Variants in SLCO5A1 observed in about 807,000 individuals in gnomAD.
The protein encoded by SLCO5A1 is organic anion transporter polypeptide-related protein 4.
Under a neutral mutation model 65.1 loss-of-function variants are expected in SLCO5A1, and 39 were observed. The ratio of observed to expected loss-of-function variants is 0.60; its 90% CI spans 0.46 to 0.78. The LOEUF (loss-of-function observed/expected upper bound fraction) is 0.78, where lower values mean the gene tolerates loss of function less well. SLCO5A1 is among the 30% of genes least tolerant of loss of function. The probability of loss-of-function intolerance (pLI) is 0.00; values close to 1 mark genes in which losing one functional copy is unlikely to be tolerated. For missense variants in SLCO5A1, 1,029 were observed against 1,069.4 expected (o/e 0.96, Z 0.53); for synonymous variants, 438 against 415.7 (o/e 1.05, Z -0.65).
At chr8:69,755,374 A>C in intron 4 of SLCO5A1, 50 bp downstream of exon 4, 6 of 1,463,992 alleles carry the variant, frequency 4.1e-6, no homozygotes, top group Non-Finnish European at 5.7e-6. Flanking sequence ...CACTATGAGT[A>C]GCACTGATCA....
At position 69,667,899 on chromosome 8, in the gene SLCO5A1, G is replaced by A. The variant is rs1246393165; in HGVS notation, c.*4970C>T. 2 of 152,230 alleles carry A rather than the reference G, an allele frequency of 1.3e-5. No homozygotes were observed. Among genetic ancestry groups the A allele is most frequent in the African/African-American group, 4.8e-5 (2 of 41,468 alleles). The allele number at this position is 152,230 out of a possible 1,614,324, so 9.4% of individuals were successfully genotyped here. ...GCATAGATGGAGTAACTGTTGAAATGAGAGTAATGGATGCTTGTTTTCTGG... is the reference window on the plus strand; with the variant it reads ...GCATAGATGGAGTAACTGTTGAAATAAGAGTAATGGATGCTTGTTTTCTGG... On this transcript the variant is annotated 3_prime_UTR_variant, in exon 10 of 10. Transcript: ENST00000260126.
intron 6 of SLCO5A1, chr8:69,704,745 A>G: frequency 2.7e-6 from 1 of 371,700 alleles, no homozygotes; most frequent in South Asian, 4.1e-5. Context: ...ATTATAATAA[A>G]AACCAAACAA....
chr8:69,787,810 G>A (rs1479377014), intron 2 of SLCO5A1, among the ~76,000 whole-genome samples: 1 of 152,172 alleles, frequency 6.6e-6, no homozygotes, highest in East Asian at 1.9e-4. Context: ...TATGCAAACA[G>A]ATGCCAGGCA....
Position 69,698,906 on chromosome 8 carries a change from G to A in SLCO5A1, c.1622+6125C>T, listed in dbSNP as rs574341320. Among the ~76,000 whole-genome samples, 30 of 152,258 alleles carry A rather than the reference G, an allele frequency of 2.0e-4. 1 individual carries two copies. The highest frequency in any genetic ancestry group is 3.4e-3 in the Middle Eastern group (1 of 294). On this transcript the variant is annotated intron_variant, in intron 6 of 9. Transcript: ENST00000260126. ...ACAAAAACTAGTGGATACAACTGAC[G>A]AAACTTCTGAAAGGAGGTCCCAGGA...
intron 2 of SLCO5A1, among the ~76,000 whole-genome samples, chr8:69,824,747 A>C (rs1820795900): frequency 6.6e-6 from 1 of 152,194 alleles, no homozygotes; most frequent in Non-Finnish European, 1.5e-5. Flanking sequence ...AATCAATAGA[A>C]AAAGAGGGAA....
intron 6 of SLCO5A1, among the ~76,000 whole-genome samples, chr8:69,689,007 C>A (rs113851646): frequency 0.36 from 50,990 of 143,366 alleles, 8,549 homozygotes; most frequent in South Asian, 0.51. Context: ...CTGTTGTTTC[C>A]TGACTTTTTA....
intron 3 of SLCO5A1, among the ~76,000 whole-genome samples, chr8:69,759,565 T>C (rs1817671935): frequency 6.6e-6 from 1 of 152,200 alleles, no homozygotes; most frequent in Admixed American, 6.5e-5. Context: ...CAAGCTCACA[T>C]AGGTATTAGG....
At chr8:69,780,608 A>G (rs751833901) in intron 2 of SLCO5A1, among the ~76,000 whole-genome samples, 45 of 152,346 alleles carry the variant, frequency 3.0e-4, no homozygotes, top group South Asian at 1.2e-3. Context: ...ATGTGTACAC[A>G]TGGATGTAGA....
rs764892384 is a variant in SLCO5A1, at chr8:69,671,716, C to T, written c.*1153G>A. The T allele has an allele frequency of 3.3e-5, 5 of 152,160 alleles. No individual in the cohort carries two copies. Among genetic ancestry groups the T allele is most frequent in the Non-Finnish European group, 5.9e-5 (4 of 68,026 alleles). The allele number at this position is 152,160 out of a possible 1,614,324, so 9.4% of individuals were successfully genotyped here. A position where few individuals can be genotyped will look rare whatever the true frequency, so the allele number is the denominator to read the frequency against. ...TATCTCTGATAAAGTAGGGTTCTTT[C>T]GGATGGACTGGTTTATTTTACATAA... On this transcript the variant is annotated 3_prime_UTR_variant, in exon 10 of 10. Coordinates refer to ENST00000260126, the MANE Select transcript of SLCO5A1 (RefSeq NM_030958.3).
intron 2 of SLCO5A1, among the ~76,000 whole-genome samples, chr8:69,823,529 A>C (rs1370613340): frequency 6.6e-6 from 1 of 152,226 alleles, no homozygotes; most frequent in East Asian, 1.9e-4. Flanking sequence ...GAGACAAAGA[A>C]GGCCATTACA....
At chr8:69,684,030 T>A (rs941743469) in intron 6 of SLCO5A1, among the ~76,000 whole-genome samples, 3 of 152,198 alleles carry the variant, frequency 2.0e-5, no homozygotes, top group African/African-American at 7.2e-5. Context: ...AAAACAATAT[T>A]AAAGTCTTAT....
chr8:69,824,060 G>C (rs1820764233), intron 2 of SLCO5A1, among the ~76,000 whole-genome samples: 2 of 152,130 alleles, frequency 1.3e-5, no homozygotes. Flanking sequence ...CAGAAATAAA[G>C]ATGTTCTTTG....
At chr8:69,747,968 C>A (rs970844545) in intron 4 of SLCO5A1, among the ~76,000 whole-genome samples, 20 of 152,200 alleles carry the variant, frequency 1.3e-4, no homozygotes, top group African/African-American at 4.8e-4. Flanking sequence ...TCATATGCAA[C>A]ATGGCCAACA....
intron 2 of SLCO5A1, among the ~76,000 whole-genome samples, chr8:69,785,522 C>T (rs1004538178): frequency 2.6e-5 from 4 of 152,278 alleles, no homozygotes; most frequent in African/African-American, 9.6e-5. Context: ...TAAAGTGCTT[C>T]CTGTGTGCTT....
At chr8:69,756,020 T>G (rs148102263) in intron 3 of SLCO5A1, among the ~76,000 whole-genome samples, 3 of 151,578 alleles carry the variant, frequency 2.0e-5, no homozygotes, top group Non-Finnish European at 4.4e-5. Flanking sequence ...TAGCATGTTA[T>G]GTGGACCAAT....
At chr8:69,725,131 C>T (rs1816003727) in intron 5 of SLCO5A1, among the ~76,000 whole-genome samples, 1 of 152,114 alleles carries the variant, frequency 6.6e-6, no homozygotes, top group South Asian at 2.1e-4. Context: ...TAGCATTTCA[C>T]AGCCAGTAAA....
rs1491422218 is a variant in SLCO5A1, at chr8:69,738,385, T to TG, written c.1259-182_1259-181insC. 7.3e-3 allele frequency among the ~76,000 whole-genome samples: 857 copies of TG among 117,568 alleles called. 7 individuals are homozygous for TG. The highest frequency in any genetic ancestry group is 0.031 in the African/African-American group (810 of 26,394). 77.1% of individuals were successfully genotyped at this position (117,568 alleles called of 152,430 possible). On this transcript the variant is annotated intron_variant, in intron 4 of 9. Coordinates refer to ENST00000260126, the MANE Select transcript of SLCO5A1 (RefSeq NM_030958.3). ...TCCTCTTTAAATAGATTTTCTTTTGTTTTTTTTTTTTAACTTTCAACCAGG... is the reference window on the plus strand; with the variant it reads ...TCCTCTTTAAATAGATTTTCTTTTGTGTTTTTTTTTTTAACTTTCAACCAGG...
At chr8:69,808,634 T>A (rs192515167) in intron 2 of SLCO5A1, among the ~76,000 whole-genome samples, 2 of 152,334 alleles carry the variant, frequency 1.3e-5, no homozygotes, top group East Asian at 3.9e-4. Context: ...AACGAACAAG[T>A]GCATTTGTCT....
intron 2 of SLCO5A1, among the ~76,000 whole-genome samples, chr8:69,800,361 G>GAGA (rs1405546992): frequency 6.0e-5 from 9 of 151,222 alleles, no homozygotes; most frequent in African/African-American, 2.2e-4. Flanking sequence ...GGAGGAGGAG[G>GAGA]AGAAGAGGCC....
Sources: gnomAD v4.1 joint callset for allele counts (sites outside exome capture counted in the v4.1 genomes callset) on GRCh38, gnomAD v4.1.1 for gene constraint, MANE v1.5 for transcripts, NCBI Gene and HGNC (gene_info 2026-07-23, HGNC 2026-07-21) for gene names.